The following MYBPC1 variants were observed in gnomAD, a reference collection of about 807,000 sequenced individuals.
MYBPC1 encodes the protein myosin binding protein C1, also known as myosin-binding protein C, slow-type.
Under a neutral mutation model 147.1 loss-of-function variants are expected in MYBPC1, and 52 were observed. The ratio of observed to expected loss-of-function variants is 0.35; its 90% CI spans 0.28 to 0.45. The LOEUF (loss-of-function observed/expected upper bound fraction) is 0.45, where lower values mean the gene tolerates loss of function less well. Ranked by LOEUF, MYBPC1 falls within the 20% of genes least tolerant of loss-of-function variation. MYBPC1 has a pLI of 1.00. For synonymous variants in MYBPC1, 477 were observed against 475.9 expected, an observed-to-expected ratio of 1.00 and a Z score of -0.03; for missense variants, 1,228 against 1,440.3, an observed-to-expected ratio of 0.85 and a Z score of 2.39.
rs752974438 is a variant in MYBPC1 at position 101,673,561 on chromosome 12, T to C, written c.2748T>C (p.Tyr916=). Residue 916 remains tyrosine, a synonymous_variant, in exon 25 of 32, where the codon TAT becomes TAC. Coordinates refer to ENST00000361466, the MANE Select transcript of MYBPC1 (RefSeq NM_002465.4). ...RKAERSHSGK[Y]DLQVKVDKFV... ...CAGAGAGGAGCCACTCTGGGAAATA[T>C]GATCTGCAAGTCAAAGTGGACAAAT... 3 of 1,614,184 alleles carry C rather than the reference T, an allele frequency of 1.9e-6. No homozygotes were observed. The highest frequency in any genetic ancestry group is 2.5e-6 in the Non-Finnish European group (3 of 1,180,028).
intron 12 of MYBPC1, among the ~76,000 whole-genome samples, chr12:101,646,210 C>T (rs1893086000): frequency 6.6e-6 from 1 of 151,516 alleles, no homozygotes; most frequent in Non-Finnish European, 1.5e-5. Flanking sequence ...GAAATAAAAA[C>T]CTTATGTAAA....
At chr12:101,658,647 C>T (rs1896013729) in intron 18 of MYBPC1, among the ~76,000 whole-genome samples, 1 of 151,834 alleles carries the variant, frequency 6.6e-6, no homozygotes, top group African/African-American at 2.4e-5. Context: ...AGAATTGATA[C>T]AAAGGAGATG....
At chr12:101,641,668 G>T (rs961929684) in intron 10 of MYBPC1, among the ~76,000 whole-genome samples, 1 of 151,910 alleles carries the variant, frequency 6.6e-6, no homozygotes, top group Non-Finnish European at 1.5e-5. Context: ...TACCCAATTT[G>T]CTTCCAAAAA....
intron 18 of MYBPC1, among the ~76,000 whole-genome samples, chr12:101,657,479 T>A (rs1254139683): frequency 6.6e-6 from 1 of 151,808 alleles, no homozygotes; most frequent in Non-Finnish European, 1.5e-5. Flanking sequence ...ATAAGAAGAG[T>A]CAAGGCTAAT....
At chr12:101,646,638 CAA>C in intron 12 of MYBPC1, 123 bp from the exon 13 acceptor site, 1 of 1,103,018 alleles carries the variant, frequency 9.1e-7, no homozygotes. Flanking sequence ...GACCCTGTCT[CAA>C]AAAAAAACAA....
chr12:101,671,310 TACACACAC>T (rs5800480), intron 24 of MYBPC1, among the ~76,000 whole-genome samples: 19 of 105,440 alleles, frequency 1.8e-4, no homozygotes, highest in African/African-American at 3.7e-4. Flanking sequence ...GACACTCATA[TACACACAC>T]ACACACACAC....
intron 27 of MYBPC1, 23 bp downstream of exon 27, chr12:101,677,417 T>C: frequency 6.2e-7 from 1 of 1,613,418 alleles, no homozygotes; most frequent in Non-Finnish European, 8.5e-7. Context: ...TGGACTGACA[T>C]TTGAAAACCT....
the MYBPC1 span, among the ~76,000 whole-genome samples, chr12:101,694,811 G>T: frequency 6.7e-6 from 1 of 149,820 alleles, no homozygotes. Flanking sequence ...GTTCATAAGT[G>T]TACCTATAGT....
intron 14 of MYBPC1, 113 bp from the exon 15 acceptor site, chr12:101,649,147 G>T: frequency 1.1e-6 from 1 of 891,964 alleles, no homozygotes; most frequent in South Asian, 1.5e-5. Flanking sequence ...AATAGTTCTT[G>T]TGTGTCTCAT....
At chr12:101,679,855 A>G (rs546566081) in intron 28 of MYBPC1, among the ~76,000 whole-genome samples, 1 of 152,230 alleles carries the variant, frequency 6.6e-6, no homozygotes, top group Non-Finnish European at 1.5e-5. Context: ...AGTTAACAAC[A>G]TGGACCTATG....
chr12:101,635,187 A>AG (rs560535293), intron 9 of MYBPC1, among the ~76,000 whole-genome samples: 20 of 152,068 alleles, frequency 1.3e-4, no homozygotes, highest in Non-Finnish European at 1.9e-4. Context: ...TGAAAAATGG[A>AG]GGGGGGGCGG....
At chr12:101,665,633 T>C (rs1207649669) in intron 22 of MYBPC1, among the ~76,000 whole-genome samples, 2 of 152,212 alleles carry the variant, frequency 1.3e-5, no homozygotes, top group Non-Finnish European at 2.9e-5. Flanking sequence ...GACACCATCT[T>C]CTTTGTCTGT....
chr12:101,611,163 T>A (rs913666118), intron 1 of MYBPC1, among the ~76,000 whole-genome samples: 1 of 152,242 alleles, frequency 6.6e-6, no homozygotes, highest in Non-Finnish European at 1.5e-5. Flanking sequence ...TTCCTATTTC[T>A]ACTCCCTGCA....
intron 23 of MYBPC1, among the ~76,000 whole-genome samples, chr12:101,668,121 A>T (rs1401837951): frequency 2.6e-5 from 4 of 152,168 alleles, no homozygotes; most frequent in Non-Finnish European, 5.9e-5. Flanking sequence ...AGGACCAGTT[A>T]GTTAACCTCT....
Position 101,618,574 on chromosome 12 carries a change from G to A in MYBPC1, c.103+1331G>A, listed in dbSNP as rs114404277. On this transcript the variant is annotated intron_variant, in intron 3 of 31. Coordinates refer to ENST00000361466, the MANE Select transcript of MYBPC1 (RefSeq NM_002465.4). Reference sequence around the variant, plus strand: ...AGGCTCAACCAACAGAGCAGATGATGTAATCCCAGAGGGCAAGCTGTCAAA... The same window carrying A: ...AGGCTCAACCAACAGAGCAGATGATATAATCCCAGAGGGCAAGCTGTCAAA... Among the ~76,000 whole-genome samples the A allele has an allele frequency of 3.3e-3, 503 of 152,316 alleles. 6 individuals are homozygous for A. Among genetic ancestry groups the A allele is most frequent in the African/African-American group, 0.012 (484 of 41,564 alleles).
intron 18 of MYBPC1, among the ~76,000 whole-genome samples, chr12:101,658,918 CCTT>C (rs997788274): frequency 8.5e-5 from 13 of 152,110 alleles, no homozygotes; most frequent in Non-Finnish European, 1.6e-4. Context: ...ATTACTTTGA[CCTT>C]CTCTGTTTTT....
Position 101,624,534 on chromosome 12 carries a change from C to T in MYBPC1, c.104-2338C>T, listed in dbSNP as rs546703960. Among the ~76,000 whole-genome samples the T allele has an allele frequency of 3.3e-5, 5 of 152,120 alleles. No individual in the cohort carries two copies. In the South Asian group the frequency reaches 1.0e-3, roughly 32 times the overall value. Reference sequence around the variant, plus strand: ...TCAGGGTCTTGCTGTGTCATCCACGCTAGAGTACAGTGGCGTGATGATGGC... The same window carrying T: ...TCAGGGTCTTGCTGTGTCATCCACGTTAGAGTACAGTGGCGTGATGATGGC... On this transcript the variant is annotated intron_variant, in intron 3 of 31. Coordinates refer to ENST00000361466, the MANE Select transcript of MYBPC1 (RefSeq NM_002465.4).
chr12:101,682,794 C>A, intron 30 of MYBPC1, 132 bp downstream of exon 30: 1 of 836,060 alleles, frequency 1.2e-6, no homozygotes, highest in Non-Finnish European at 2.0e-6. Context: ...TCATGGCATA[C>A]AGTGCTTATG....
chr12:101,631,530 G>T (rs12298891), intron 6 of MYBPC1, 41 bp from the exon 7 acceptor site: 2 of 1,609,062 alleles, frequency 1.2e-6, no homozygotes, highest in Non-Finnish European at 1.7e-6. Flanking sequence ...AACAAATGAC[G>T]CTTGTTAAAG....
Sources: allele counts gnomAD v4.1 joint callset (sites outside exome capture counted in the v4.1 genomes callset), GRCh38; gene constraint gnomAD v4.1.1; transcripts MANE v1.5; gene names NCBI Gene and HGNC (gene_info 2026-07-23, HGNC 2026-07-21).